AP4E1: variants seen among roughly 807,000 people sequenced by gnomAD.
AP4E1 encodes AP-4 complex subunit epsilon-1.
In AP4E1, 56 loss-of-function variants were observed where a neutral mutation model predicts 128.2. The ratio of observed to expected loss-of-function variants is 0.44; its 90% CI spans 0.35 to 0.55. AP4E1 has a LOEUF of 0.55. AP4E1 is among the 20% of genes least tolerant of loss of function. The pLI is 0.00. For synonymous variants in AP4E1, 484 were observed against 473.1 expected (o/e 1.02, Z -0.30); for missense variants, 1,324 against 1,307.7 (o/e 1.01, Z -0.19).
intron 1 of AP4E1, 115 bp downstream of exon 1, chr15:50,909,043 T>C (rs1446591117): frequency 1.3e-6 from 2 of 1,489,018 alleles, no homozygotes; most frequent in Admixed American, 4.4e-5. Context: ...CCGGCGGGGC[T>C]CAGGGGCTGC....
At chr15:50,977,667 GAATT>G (rs948841093) in intron 15 of AP4E1, among the ~76,000 whole-genome samples, 3 of 147,260 alleles carry the variant, frequency 2.0e-5, no homozygotes, top group Admixed American at 1.3e-4. Flanking sequence ...TATGCATAAA[GAATT>G]AATTCTTGAA....
Position 50,920,964 on chromosome 15 carries a change from G to A in AP4E1, c.347-2967G>A, listed in dbSNP as rs146685898. ...CAGGTGCCCGCCTGCCATCACACCCGGCTAATTTTTTTATTTTTGGTAGAA... is the reference window on the plus strand; with the variant it reads ...CAGGTGCCCGCCTGCCATCACACCCAGCTAATTTTTTTATTTTTGGTAGAA... On this transcript the variant is annotated intron_variant, in intron 3 of 20. Transcript: ENST00000261842. 3.4e-3 allele frequency among the ~76,000 whole-genome samples: 516 copies of A among 151,830 alleles called. 5 individuals carry two copies. The highest frequency in any genetic ancestry group is 0.012 in the African/African-American group (486 of 41,404).
chr15:50,953,066 A>C (rs2064172860), intron 13 of AP4E1, among the ~76,000 whole-genome samples: 1 of 152,152 alleles, frequency 6.6e-6, no homozygotes, highest in Non-Finnish European at 1.5e-5. Flanking sequence ...AAGGGAGAAA[A>C]AAAAGATGGT....
chr15:50,912,958 C>T (rs191822749), intron 2 of AP4E1, among the ~76,000 whole-genome samples: 22 of 152,148 alleles, frequency 1.4e-4, no homozygotes, highest in Non-Finnish European at 2.9e-4. Flanking sequence ...TGTGAGCCAC[C>T]GTGCCTGGCC....
chr15:50,964,501 A>T (rs2064361003), intron 14 of AP4E1, among the ~76,000 whole-genome samples: 1 of 143,628 alleles, frequency 7.0e-6, no homozygotes, highest in Non-Finnish European at 1.5e-5. Flanking sequence ...CTGTCACTGG[A>T]GAGTTATTGT....
At chr15:50,911,448 A>G (rs1307100060) in intron 1 of AP4E1, among the ~76,000 whole-genome samples, 3 of 150,170 alleles carry the variant, frequency 2.0e-5, no homozygotes, top group African/African-American at 4.9e-5. Flanking sequence ...GGGCCAATAC[A>G]TGGAGAATTT....
In AP4E1 at chr15:50,948,163, T is replaced by C. The variant is rs757783807; in HGVS notation, c.1316+4T>C. 1.9e-6 allele frequency: 3 copies of C among 1,613,718 alleles called. No homozygotes were observed. The highest frequency in any genetic ancestry group is 2.5e-6 in the Non-Finnish European group (3 of 1,179,842). ...AAATAGCAGAGCTGGCTGAGAAATA[T>C]CCTTTTATTTCGACCATGAGTCTTA... On this transcript the variant is annotated splice_donor_region_variant and intron_variant, in intron 11 of 20. Coordinates refer to ENST00000261842, the MANE Select transcript of AP4E1 (RefSeq NM_007347.5).
intron 15 of AP4E1, among the ~76,000 whole-genome samples, chr15:50,973,757 C>T (rs2064515329): frequency 6.6e-6 from 1 of 152,172 alleles, no homozygotes; most frequent in Non-Finnish European, 1.5e-5. Context: ...TCTTCGTTTT[C>T]AAAGTTTAAT....
At chr15:50,922,480 C>T (rs1243052815) in intron 3 of AP4E1, among the ~76,000 whole-genome samples, 3 of 152,182 alleles carry the variant, frequency 2.0e-5, no homozygotes, top group Non-Finnish European at 1.5e-5. Context: ...CATGCTACTA[C>T]CTCTTGATTG....
chr15:50,989,578 G>T (rs2064776612), intron 16 of AP4E1, among the ~76,000 whole-genome samples: 2 of 150,984 alleles, frequency 1.3e-5, no homozygotes, highest in African/African-American at 4.9e-5. Context: ...AATATTGTTT[G>T]TGGGCATTTG....
intron 15 of AP4E1, among the ~76,000 whole-genome samples, chr15:50,981,000 T>A (rs1396678700): frequency 1.3e-5 from 2 of 152,054 alleles, no homozygotes; most frequent in African/African-American, 4.8e-5. Flanking sequence ...AGAAAGCCCC[T>A]ACTAGGGCAA....
At position 50,929,230 on chromosome 15, in the gene AP4E1, TAAAA is replaced by T. The variant is rs1236296791; in HGVS notation, c.702+64_702+67del. The T allele has an allele frequency of 2.0e-6, 3 of 1,534,028 alleles. No homozygotes were observed. The Admixed American group carries it at 5.1e-5, about 26-fold the overall frequency. On this transcript the variant is annotated intron_variant, in intron 6 of 20. Coordinates refer to ENST00000261842, the MANE Select transcript of AP4E1 (RefSeq NM_007347.5). The stretch of plus-strand genomic sequence containing the variant: ...CATTAGAAAAATACAATTATGGAAT[TAAAA>T]AGAAACAGATATTTTGGTAAAATGC...
rs766289893 is a variant in AP4E1, at chr15:50,997,475, G to A, written c.2496G>A (p.Ser832=). Residue 832 remains serine, a synonymous_variant, in exon 18 of 21, where the codon TCG becomes TCA. Coordinates refer to ENST00000261842, the MANE Select transcript of AP4E1 (RefSeq NM_007347.5). ...SNVAYEDDYY[S]NTLHDTGDKE... is the part of the protein sequence containing the mutation. ...TGGCATATGAAGATGATTATTATTCGAATACTTTGCACGATACAGGAGACA... is the reference window on the plus strand; with the variant it reads ...TGGCATATGAAGATGATTATTATTCAAATACTTTGCACGATACAGGAGACA... 9.3e-6 allele frequency: 15 copies of A among 1,613,754 alleles called. No individual in the cohort carries two copies. The highest frequency in any genetic ancestry group is 2.7e-5 in the African/African-American group (2 of 74,846).
chr15:50,982,831 T>C (rs900525188), intron 15 of AP4E1, among the ~76,000 whole-genome samples: 2 of 152,208 alleles, frequency 1.3e-5, no homozygotes, highest in African/African-American at 4.8e-5. Context: ...AGTACAGCTC[T>C]GGTGCTAGAA....
intron 15 of AP4E1, among the ~76,000 whole-genome samples, chr15:50,977,100 C>G (rs955986447): frequency 3.3e-5 from 5 of 152,056 alleles, no homozygotes; most frequent in Non-Finnish European, 5.9e-5. Context: ...TTATAATTGC[C>G]TAACCTGTGG....
chr15:51,001,526 C>T (rs1301961130), intron 20 of AP4E1, among the ~76,000 whole-genome samples: 4 of 152,200 alleles, frequency 2.6e-5, no homozygotes, highest in African/African-American at 9.7e-5. Context: ...TCCCCTTCCT[C>T]TCCACCTCTT....
intron 2 of AP4E1, among the ~76,000 whole-genome samples, chr15:50,913,778 T>G (rs1351993499): frequency 6.6e-6 from 1 of 152,168 alleles, no homozygotes. Context: ...TTTTTGTTTA[T>G]CTTTTGTTTG....
At position 50,950,037 on chromosome 15, in the gene AP4E1, C is replaced by A; in HGVS notation, c.1430-14C>A. ...GTTTGTGGAAATTAAAATGGTGTAT[C>A]AATTTCTTTGTAGGTTTTGATGATG... On this transcript the variant is annotated splice_polypyrimidine_tract_variant and intron_variant, in intron 12 of 20. Coordinates refer to ENST00000261842, the MANE Select transcript of AP4E1 (RefSeq NM_007347.5). The A allele has an allele frequency of 6.3e-7, 1 of 1,598,426 alleles. No homozygotes were observed. The highest frequency in any genetic ancestry group is 1.1e-5 in the South Asian group (1 of 90,726).
At position 51,002,732 on chromosome 15, in the gene AP4E1, A is replaced by AGTTTATCT; in HGVS notation, c.*70_*71insGTTTATCT. On this transcript the variant is annotated 3_prime_UTR_variant, in exon 21 of 21. Transcript: ENST00000261842. ...ATAGATAAACTTATTTACCAAAGTA[A>AGTTTATCT]AAAGAACTCATGGTACTTCTAATGA... 1 of 1,559,252 alleles carries AGTTTATCT rather than the reference A, an allele frequency of 6.4e-7. No homozygotes were observed.
Sources: allele counts gnomAD v4.1 joint callset (sites outside exome capture counted in the v4.1 genomes callset), GRCh38; gene constraint gnomAD v4.1.1; transcripts MANE v1.5; gene names NCBI Gene and HGNC (gene_info 2026-07-23, HGNC 2026-07-21).